Variants in DAP observed in about 807,000 individuals in gnomAD.
DAP encodes the protein death-associated protein 1.
A neutral mutation model predicts 13.8 loss-of-function variants in DAP; 8 were observed. The ratio of observed to expected loss-of-function variants is 0.58; its 90% CI spans 0.34 to 1.05. The LOEUF (loss-of-function observed/expected upper bound fraction) is 1.05. Ranked by LOEUF, DAP falls within the 50% of genes least tolerant of loss-of-function variation. The probability of loss-of-function intolerance (pLI) is 0.03; values close to 1 mark genes in which losing one functional copy is unlikely to be tolerated. For synonymous variants in DAP, 47 were observed against 47.5 expected (o/e 0.99, Z 0.04); for missense variants, 106 against 133.2 (o/e 0.80, Z 1.01).
chr5:10,757,438 C>T (rs1249564355), intron 1 of DAP, among the ~76,000 whole-genome samples: 1 of 152,130 alleles, frequency 6.6e-6, no homozygotes, highest in African/African-American at 2.4e-5. Flanking sequence ...GCACACCCGA[C>T]TAATTTTGTA....
intron 2 of DAP, among the ~76,000 whole-genome samples, chr5:10,700,983 G>A (rs1164115177): frequency 1.3e-5 from 2 of 152,246 alleles, no homozygotes; most frequent in East Asian, 3.8e-4. Flanking sequence ...GAATAGACGG[G>A]TGTGAAATGC....
intron 2 of DAP, among the ~76,000 whole-genome samples, chr5:10,713,351 G>A (rs887141702): frequency 6.6e-6 from 1 of 152,188 alleles, no homozygotes; most frequent in Admixed American, 6.5e-5. Flanking sequence ...TGGGAGTTAC[G>A]TTCCAGGCAC....
chr5:10,756,070 C>CAGGGAGATAATT (rs1554003737), intron 1 of DAP, among the ~76,000 whole-genome samples: 1 of 143,114 alleles, frequency 7.0e-6, no homozygotes, highest in Non-Finnish European at 1.5e-5. Flanking sequence ...ATCTCTTGAG[C>CAGGGAGATAATT]CCAGGAGGCC....
chr5:10,709,597 G>A (rs936714108), intron 2 of DAP, among the ~76,000 whole-genome samples: 4 of 152,170 alleles, frequency 2.6e-5, no homozygotes, highest in East Asian at 1.9e-4. Flanking sequence ...GGCTTTCTCC[G>A]AGGCATGGTC....
chr5:10,685,223 A>G (rs1291118537), intron 2 of DAP, among the ~76,000 whole-genome samples: 1 of 152,248 alleles, frequency 6.6e-6, no homozygotes, highest in Non-Finnish European at 1.5e-5. Context: ...TGCCCCATAC[A>G]TTACCTTGGT....
chr5:10,691,814 G>A (rs78625591), intron 2 of DAP, among the ~76,000 whole-genome samples: 1,571 of 152,294 alleles, frequency 0.01, 10 homozygotes, highest in Middle Eastern at 0.044. Context: ...AGCAGAAACT[G>A]CAGCTTTTTC....
At chr5:10,686,213 T>G (rs182493036) in intron 2 of DAP, among the ~76,000 whole-genome samples, 193 of 152,376 alleles carry the variant, frequency 1.3e-3, no homozygotes, top group African/African-American at 4.2e-3. Context: ...AGCCATTCCC[T>G]GTCTCTCTCC....
chr5:10,726,418 C>T (rs1485781786), intron 2 of DAP, among the ~76,000 whole-genome samples: 11 of 152,224 alleles, frequency 7.2e-5, no homozygotes, highest in African/African-American at 4.8e-5. Context: ...ACTCTGGGAG[C>T]TCATGAGAAA....
chr5:10,681,517 G>C (rs1445325262), intron 3 of DAP, among the ~76,000 whole-genome samples: 1 of 135,762 alleles, frequency 7.4e-6, no homozygotes, highest in Non-Finnish European at 1.6e-5. Flanking sequence ...TGGTGTTTGT[G>C]GGTGAGGAAC....
intron 2 of DAP, among the ~76,000 whole-genome samples, chr5:10,743,754 G>A (rs1255419563): frequency 1.3e-5 from 2 of 152,124 alleles, no homozygotes; most frequent in African/African-American, 4.8e-5. Flanking sequence ...AATTGGGTCG[G>A]CTCGAGATGG....
intron 2 of DAP, among the ~76,000 whole-genome samples, chr5:10,741,244 T>C (rs1739747583): frequency 6.6e-6 from 1 of 152,180 alleles, no homozygotes; most frequent in Non-Finnish European, 1.5e-5. Flanking sequence ...TCCTAGCTAC[T>C]TGCGAGGCAG....
At chr5:10,726,650 C>T (rs1739294524) in intron 2 of DAP, among the ~76,000 whole-genome samples, 1 of 152,270 alleles carries the variant, frequency 6.6e-6, no homozygotes, top group African/African-American at 2.4e-5. Context: ...CGAGTCATAT[C>T]ACCCTCCAAG....
intron 2 of DAP, among the ~76,000 whole-genome samples, chr5:10,689,917 T>TG (rs5745277): frequency 0.089 from 13,526 of 152,180 alleles, 843 homozygotes; most frequent in African/African-American, 0.17. Context: ...AGCAGTCTCT[T>TG]GGGGCACAAC....
intron 2 of DAP, among the ~76,000 whole-genome samples, chr5:10,710,400 G>A (rs1418429872): frequency 6.6e-6 from 1 of 152,218 alleles, no homozygotes; most frequent in African/African-American, 2.4e-5. Flanking sequence ...CCTGTTCTCT[G>A]TGTTCACCCC....
rs181979071 is a variant in DAP at position 10,721,594 on chromosome 5, T to G, written c.152+26581A>C. On this transcript the variant is annotated intron_variant, in intron 2 of 3. Coordinates refer to ENST00000230895, the MANE Select transcript of DAP (RefSeq NM_004394.3). ...TGTCTCTTAGTCTTACCATTGCCTG[T>G]GATTAAGGTCGACGGGAAACTACAA... 2.6e-5 allele frequency among the ~76,000 whole-genome samples: 4 copies of G among 152,298 alleles called. No individual in the cohort carries two copies. The East Asian group carries it at 7.7e-4, about 29-fold the overall frequency.
intron 2 of DAP, among the ~76,000 whole-genome samples, chr5:10,690,378 A>G (rs1258433700): frequency 6.6e-6 from 1 of 152,022 alleles, no homozygotes; most frequent in Non-Finnish European, 1.5e-5. Flanking sequence ...GGCATTAAGT[A>G]TATTCATATT....
At chr5:10,705,719 G>A (rs1287526426) in intron 2 of DAP, among the ~76,000 whole-genome samples, 5 of 152,200 alleles carry the variant, frequency 3.3e-5, no homozygotes, top group African/African-American at 9.7e-5. Flanking sequence ...CTTTCATGGG[G>A]AGAGAAGCAG....
intron 2 of DAP, among the ~76,000 whole-genome samples, chr5:10,733,498 A>G (rs1314670932): frequency 6.6e-6 from 1 of 152,188 alleles, no homozygotes; most frequent in Non-Finnish European, 1.5e-5. Context: ...ATTTAGGAGC[A>G]CCTGGATTAA....
chr5:10,755,890 G>A (rs1296773578), intron 1 of DAP, among the ~76,000 whole-genome samples: 2 of 152,244 alleles, frequency 1.3e-5, no homozygotes, highest in Non-Finnish European at 2.9e-5. Context: ...GCTCATGCCT[G>A]GAGTCCCAAC....
Sources: gnomAD v4.1 joint callset for allele counts (sites outside exome capture counted in the v4.1 genomes callset) on GRCh38, gnomAD v4.1.1 for gene constraint, MANE v1.5 for transcripts, NCBI Gene and HGNC (gene_info 2026-07-23, HGNC 2026-07-21) for gene names.